Variants in SIMC1 observed in about 807,000 individuals in gnomAD.
SIMC1 encodes the protein SUMO-interacting motif-containing protein 1.
SIMC1 carries 55 observed loss-of-function variants against 82.3 expected under a neutral mutation model. The observed-to-expected ratio is 0.67, with a 90% CI of 0.54 to 0.84. SIMC1 has a LOEUF of 0.84. Ranked by LOEUF, SIMC1 falls within the 40% of genes least tolerant of loss-of-function variation. The pLI is 0.00. For missense variants in SIMC1, 915 were observed against 1,107.2 expected (o/e 0.83, Z 2.46); for synonymous variants, 353 against 426.3 (o/e 0.83, Z 2.12).
chr5:176,295,789 A>G (rs2113282631), intron 3 of SIMC1, among the ~76,000 whole-genome samples: 1 of 152,214 alleles, frequency 6.6e-6, no homozygotes, highest in African/African-American at 2.4e-5. Flanking sequence ...TCAGGCTTTT[A>G]TGACACTTCC....
intron 1 of SIMC1, among the ~76,000 whole-genome samples, chr5:176,281,040 C>G (rs1416528803): frequency 1.3e-5 from 2 of 152,190 alleles, no homozygotes; most frequent in Non-Finnish European, 2.9e-5. Flanking sequence ...CAACTTGGTT[C>G]CATTCTCCCC....
chr5:176,257,521 A>G (rs1358382626), intron 1 of SIMC1, among the ~76,000 whole-genome samples: 1 of 152,072 alleles, frequency 6.6e-6, no homozygotes, highest in Non-Finnish European at 1.5e-5. Context: ...TGGGGGTGCA[A>G]AGGTGCCACA....
At chr5:176,277,168 T>C (rs1477149926) in intron 1 of SIMC1, among the ~76,000 whole-genome samples, 3 of 151,958 alleles carry the variant, frequency 2.0e-5, no homozygotes, top group Admixed American at 6.6e-5. Flanking sequence ...TATCTCATTG[T>C]GGTTTTGATT....
At chr5:176,278,840 G>A (rs1258097983) in intron 1 of SIMC1, among the ~76,000 whole-genome samples, 1 of 149,302 alleles carries the variant, frequency 6.7e-6, no homozygotes, top group Non-Finnish European at 1.5e-5. Context: ...TGTGCTGCTG[G>A]ATTCGGTTTG....
In SIMC1 at chr5:176,275,895, TG is replaced by T. The variant is rs1170523224; in HGVS notation, c.130-13758del. Among the ~76,000 whole-genome samples the T allele has an allele frequency of 2.3e-3, 353 of 151,832 alleles. 4 individuals are homozygous for T. The highest frequency in any genetic ancestry group is 8.2e-3 in the African/African-American group (340 of 41,370). On this transcript the variant is annotated intron_variant, in intron 1 of 9. Coordinates refer to ENST00000429602, the MANE Select transcript of SIMC1 (RefSeq NM_001308195.2). The stretch of plus-strand genomic sequence containing the variant: ...TTGCTAGTATTTTATTGAGGATTTT[TG>T]CATCAATGTTCATCAAGGATATTGG...
chr5:176,320,727 C>T (rs940289460), intron 5 of SIMC1, among the ~76,000 whole-genome samples: 1 of 151,990 alleles, frequency 6.6e-6, no homozygotes, highest in Non-Finnish European at 1.5e-5. Context: ...CTGGTGCTAC[C>T]GCTTGCAGAG....
At chr5:176,292,902 A>T (rs78195516) in intron 2 of SIMC1, among the ~76,000 whole-genome samples, 1 of 152,270 alleles carries the variant, frequency 6.6e-6, no homozygotes, top group East Asian at 1.9e-4. Context: ...CTTTTTATAC[A>T]TAGGCATTTT....
Position 176,322,307 on chromosome 5 carries a change from G to T in SIMC1, c.1924G>T (p.Glu642Ter). 6.3e-7 allele frequency: 1 copy of T among 1,575,302 alleles called. No individual in the cohort carries two copies. The highest frequency in any genetic ancestry group is 1.9e-5 in the Admixed American group (1 of 53,626). Residue 642 changes from glutamate (E) to a stop codon, truncating the protein, a stop_gained, in exon 6 of 10, where the codon GAA becomes TAA. Coordinates refer to ENST00000429602, the MANE Select transcript of SIMC1 (RefSeq NM_001308195.2). LOFTEE classifies it high-confidence loss of function. Reference protein sequence around the residue: ...VIKWLVKAVTEDGLTQPPNGN... With the variant: ...VIKWLVKAVT Reference sequence around the variant, plus strand: ...CAAGTGGCTGGTCAAAGCAGTAACTGAAGATGGATTGACTCAGCCCCCAAA... The same window carrying T: ...CAAGTGGCTGGTCAAAGCAGTAACTTAAGATGGATTGACTCAGCCCCCAAA...
chr5:176,249,527 A>G (rs1761569512), intron 1 of SIMC1, among the ~76,000 whole-genome samples: 1 of 151,436 alleles, frequency 6.6e-6, no homozygotes, highest in South Asian at 2.1e-4. Context: ...TGGTCTATCT[A>G]TGTTGTTAAT....
chr5:176,319,864 C>G (rs945909969), intron 5 of SIMC1, among the ~76,000 whole-genome samples: 5 of 152,060 alleles, frequency 3.3e-5, no homozygotes, highest in African/African-American at 1.2e-4. Context: ...TAAAAGCTTT[C>G]CATAGATGTC....
intron 4 of SIMC1, among the ~76,000 whole-genome samples, chr5:176,306,305 C>G (rs1409549703): frequency 1.5e-5 from 2 of 135,960 alleles, no homozygotes; most frequent in Non-Finnish European, 3.3e-5. Flanking sequence ...GTCAGCCCCC[C>G]GTCCGGCCAG....
chr5:176,306,836 T>G (rs1193460526), intron 4 of SIMC1, among the ~76,000 whole-genome samples: 3 of 151,656 alleles, frequency 2.0e-5, no homozygotes, highest in African/African-American at 7.3e-5. Flanking sequence ...GTTTATCTGC[T>G]GACCTTCCCT....
chr5:176,305,125 T>G (rs1389262941), intron 4 of SIMC1, among the ~76,000 whole-genome samples: 3 of 88,554 alleles, frequency 3.4e-5, no homozygotes, highest in Admixed American at 1.1e-4. Context: ...CGGCCAGCCG[T>G]GCCATCCAGG....
chr5:176,263,559 G>A, intron 1 of SIMC1: 2 of 1,387,086 alleles, frequency 1.4e-6, no homozygotes, highest in South Asian at 3.3e-5. Context: ...TATTTTGCAG[G>A]AACTATGAGT....
chr5:176,331,892 C>T (rs1048289481), intron 7 of SIMC1, among the ~76,000 whole-genome samples: 4 of 151,782 alleles, frequency 2.6e-5, no homozygotes, highest in African/African-American at 4.8e-5. Context: ...TCGCTTGAAC[C>T]CAGGAGGCCG....
chr5:176,340,366 C>T, intron 9 of SIMC1, among the ~76,000 whole-genome samples: 1 of 152,184 alleles, frequency 6.6e-6, no homozygotes, highest in East Asian at 1.9e-4. Context: ...AGCAAAATTA[C>T]AAAGTGCTGC....
Position 176,343,319 on chromosome 5 carries a change from G to A in SIMC1, c.2414-1864G>A, listed in dbSNP as rs138114711. On this transcript the variant is annotated intron_variant, in intron 9 of 9. Coordinates refer to ENST00000429602, the MANE Select transcript of SIMC1 (RefSeq NM_001308195.2). ...GCCATCATCCCCGTTTGATAAATGAGGAGACTGAGAAATGATGGTGTACTT... is the reference window on the plus strand; with the variant it reads ...GCCATCATCCCCGTTTGATAAATGAAGAGACTGAGAAATGATGGTGTACTT... Among the ~76,000 whole-genome samples, 112 of 152,224 alleles carry A rather than the reference G, an allele frequency of 7.4e-4. 1 individual carries two copies. Among genetic ancestry groups the A allele is most frequent in the Non-Finnish European group, 6.9e-4 (47 of 68,008 alleles).
intron 1 of SIMC1, among the ~76,000 whole-genome samples, chr5:176,252,550 G>A (rs1323830812): frequency 4.4e-4 from 67 of 151,650 alleles, no homozygotes; most frequent in Non-Finnish European, 6.2e-4. Context: ...TGGGCGGCCG[G>A]GCAGAGACGC....
intron 4 of SIMC1, among the ~76,000 whole-genome samples, chr5:176,307,850 T>C (rs1764494210): frequency 6.6e-6 from 1 of 152,222 alleles, no homozygotes; most frequent in Non-Finnish European, 1.5e-5. Context: ...CTTTAAAAGT[T>C]GAACATAAAT....
Sources: allele counts gnomAD v4.1 joint callset (sites outside exome capture counted in the v4.1 genomes callset), GRCh38; gene constraint gnomAD v4.1.1; transcripts MANE v1.5; gene names NCBI Gene and HGNC (gene_info 2026-07-23, HGNC 2026-07-21).